HS3ST4: variants seen among roughly 807,000 people sequenced by gnomAD.
The protein encoded by HS3ST4 is heparan sulfate glucosamine 3-O-sulfotransferase 4.
Under a neutral mutation model 29.2 loss-of-function variants are expected in HS3ST4, and 17 were observed. That is an observed-to-expected ratio of 0.58 (90% CI 0.40 to 0.87). The LOEUF is 0.87. Ranked by LOEUF, HS3ST4 falls within the 40% of genes least tolerant of loss-of-function variation. The pLI, the probability that HS3ST4 is intolerant of heterozygous loss-of-function variation, is 0.00. For synonymous variants in HS3ST4, 314 were observed against 285.7 expected, an observed-to-expected ratio of 1.10 and a Z score of -1.00; for missense variants, 627 against 634.5, an observed-to-expected ratio of 0.99 and a Z score of 0.13.
intron 1 of HS3ST4, among the ~76,000 whole-genome samples, chr16:25,818,617 A>G (rs1484129607): frequency 1.3e-5 from 2 of 152,206 alleles, no homozygotes; most frequent in African/African-American, 4.8e-5. Context: ...GAGAAATGTC[A>G]GCTCTATATC....
intron 1 of HS3ST4, among the ~76,000 whole-genome samples, chr16:25,843,278 A>G (rs564500336): frequency 6.6e-6 from 1 of 152,202 alleles, no homozygotes; most frequent in East Asian, 1.9e-4. Context: ...ATCAACTGGG[A>G]GCTGACCACT....
At chr16:25,939,172 C>G (rs1408831990) in intron 1 of HS3ST4, among the ~76,000 whole-genome samples, 2 of 152,048 alleles carry the variant, frequency 1.3e-5, no homozygotes, top group East Asian at 3.9e-4. Context: ...GGAATAGATG[C>G]TACACTGCAT....
chr16:26,081,803 T>C (rs1898727566), intron 1 of HS3ST4, among the ~76,000 whole-genome samples: 1 of 144,494 alleles, frequency 6.9e-6, no homozygotes, highest in Admixed American at 6.9e-5. Context: ...TTTTTTTTTT[T>C]TTTTTTTTTG....
At chr16:25,873,888 T>C (rs1967798850) in intron 1 of HS3ST4, among the ~76,000 whole-genome samples, 1 of 152,142 alleles carries the variant, frequency 6.6e-6, no homozygotes, top group South Asian at 2.1e-4. Context: ...TGTTTCCTCT[T>C]TAAGGGTCAT....
chr16:25,827,533 C>CA (rs11371550), intron 1 of HS3ST4, among the ~76,000 whole-genome samples: 80,507 of 136,026 alleles, frequency 0.59, 23,059 homozygotes, highest in East Asian at 0.78. Flanking sequence ...GCTGTCTTCA[C>CA]AAAAAAAAAA....
intron 1 of HS3ST4, among the ~76,000 whole-genome samples, chr16:25,972,560 A>G (rs371482157): frequency 6.6e-6 from 1 of 152,334 alleles, no homozygotes; most frequent in Non-Finnish European, 1.5e-5. Flanking sequence ...CCACATGAAT[A>G]TCTGCATAGG....
At chr16:26,033,303 G>A (rs1969549794) in intron 1 of HS3ST4, among the ~76,000 whole-genome samples, 1 of 151,954 alleles carries the variant, frequency 6.6e-6, no homozygotes, top group South Asian at 2.1e-4. Flanking sequence ...ATCACCTGAG[G>A]TCAGGAGTTC....
intron 1 of HS3ST4, among the ~76,000 whole-genome samples, chr16:26,042,362 G>C (rs866324886): frequency 6.2e-5 from 9 of 145,520 alleles, no homozygotes; most frequent in African/African-American, 2.5e-4. Context: ...CTCTGTGTGT[G>C]TGTGTGTGTG....
intron 1 of HS3ST4, among the ~76,000 whole-genome samples, chr16:26,128,313 T>G (rs996874508): frequency 6.6e-6 from 1 of 152,178 alleles, no homozygotes; most frequent in South Asian, 2.1e-4. Flanking sequence ...TACCCCATAG[T>G]TGGTACGTAA....
At chr16:25,967,760 T>C (rs901499451) in intron 1 of HS3ST4, among the ~76,000 whole-genome samples, 2 of 152,252 alleles carry the variant, frequency 1.3e-5, no homozygotes, top group Middle Eastern at 3.4e-3. Context: ...TGCCTGGTGG[T>C]GGAGCTGGAA....
At chr16:25,732,983 C>A (rs1334411150) in intron 1 of HS3ST4, among the ~76,000 whole-genome samples, 2 of 152,130 alleles carry the variant, frequency 1.3e-5, no homozygotes, top group East Asian at 3.9e-4. Context: ...ATAATAAAAA[C>A]AACACACTCA....
At chr16:25,811,524 C>T (rs894437808) in intron 1 of HS3ST4, among the ~76,000 whole-genome samples, 25 of 151,064 alleles carry the variant, frequency 1.7e-4, no homozygotes. Flanking sequence ...ACCTCCGCCT[C>T]CCAGGTTCAA....
chr16:26,128,658 G>A (rs193073444), intron 1 of HS3ST4, among the ~76,000 whole-genome samples: 1 of 152,240 alleles, frequency 6.6e-6, no homozygotes, highest in East Asian at 1.9e-4. Flanking sequence ...AGCATAACTG[G>A]GCAGGGCAAG....
At chr16:25,759,294 A>T (rs1966775470) in intron 1 of HS3ST4, among the ~76,000 whole-genome samples, 1 of 152,264 alleles carries the variant, frequency 6.6e-6, no homozygotes, top group Admixed American at 6.5e-5. Context: ...AATCTAGCTT[A>T]ATCTTCCCAA....
intron 1 of HS3ST4, among the ~76,000 whole-genome samples, chr16:26,088,531 G>C (rs1211276257): frequency 6.6e-6 from 1 of 152,038 alleles, no homozygotes; most frequent in Non-Finnish European, 1.5e-5. Context: ...CTGGTAGTTT[G>C]TGATGATTGA....
At chr16:25,908,245 G>A (rs1039604196) in intron 1 of HS3ST4, among the ~76,000 whole-genome samples, 3 of 152,322 alleles carry the variant, frequency 2.0e-5, no homozygotes, top group South Asian at 2.1e-4. Context: ...CAATGAGCAG[G>A]GAGGGATCAA....
chr16:26,054,619 A>G (rs891155132), intron 1 of HS3ST4, among the ~76,000 whole-genome samples: 1 of 152,172 alleles, frequency 6.6e-6, no homozygotes, highest in African/African-American at 2.4e-5. Context: ...AAATGGAAAG[A>G]TAAGAACTGG....
intron 1 of HS3ST4, among the ~76,000 whole-genome samples, chr16:25,697,506 G>GTCCACC (rs1286765382): frequency 4.6e-5 from 7 of 152,178 alleles, no homozygotes; most frequent in Admixed American, 4.6e-4. Context: ...TTGCAATTAA[G>GTCCACC]TCCACCTCTT....
intron 1 of HS3ST4, among the ~76,000 whole-genome samples, chr16:25,950,806 C>T (rs1177956771): frequency 6.6e-6 from 1 of 152,070 alleles, no homozygotes; most frequent in Non-Finnish European, 1.5e-5. Flanking sequence ...ATGCAATAAG[C>T]CCCACCTCCG....
Sources: gnomAD v4.1 joint callset for allele counts (sites outside exome capture counted in the v4.1 genomes callset) on GRCh38, gnomAD v4.1.1 for gene constraint, MANE v1.5 for transcripts, NCBI Gene and HGNC (gene_info 2026-07-23, HGNC 2026-07-21) for gene names.